TENM3: variants seen among roughly 807,000 people sequenced by gnomAD.
TENM3 encodes teneurin transmembrane protein 3, also known as teneurin-3.
In TENM3, 63 loss-of-function variants were observed where a neutral mutation model predicts 255.1. That is an observed-to-expected ratio of 0.25 (90% CI 0.20 to 0.30). The LOEUF (loss-of-function observed/expected upper bound fraction) is 0.30, where lower values mean the gene tolerates loss of function less well. Ranked by LOEUF, TENM3 falls within the 10% of genes least tolerant of loss-of-function variation. The pLI is 1.00. For synonymous variants in TENM3, 1,306 were observed against 1,322.3 expected (o/e 0.99, Z 0.27); for missense variants, 2,929 against 3,461.1 (o/e 0.85, Z 3.86).
intron 1 of TENM3, among the ~76,000 whole-genome samples, chr4:182,236,572 C>T (rs1405648612): frequency 2.0e-5 from 3 of 151,922 alleles, no homozygotes; most frequent in Non-Finnish European, 2.9e-5. Context: ...CCAGTGTAGA[C>T]GTTAAATAAT....
At chr4:182,547,533 A>G (rs778673090) in intron 3 of TENM3, among the ~76,000 whole-genome samples, 1 of 152,050 alleles carries the variant, frequency 6.6e-6, no homozygotes, top group Non-Finnish European at 1.5e-5. Flanking sequence ...GTTATTGAAC[A>G]TATTACGTCA....
At chr4:182,219,356 G>A (rs945062050) in intron 1 of TENM3, among the ~76,000 whole-genome samples, 34 of 152,278 alleles carry the variant, frequency 2.2e-4, no homozygotes, top group African/African-American at 7.2e-4. Context: ...TCAAAACCAC[G>A]TAAGAATTAA....
the TENM3 span, among the ~76,000 whole-genome samples, chr4:181,529,732 T>C: frequency 6.6e-6 from 1 of 152,212 alleles, no homozygotes; most frequent in Non-Finnish European, 1.5e-5. Flanking sequence ...TTAGCCTCCC[T>C]TGTGGCCAGG....
intron 19 of TENM3, among the ~76,000 whole-genome samples, chr4:182,749,419 T>C (rs78000918): frequency 0.037 from 5,661 of 151,908 alleles, 136 homozygotes; most frequent in South Asian, 0.059. Context: ...ACTCATACTT[T>C]AGTTAATTAT....
At chr4:181,906,786 A>C in the TENM3 span, among the ~76,000 whole-genome samples, 1 of 152,084 alleles carries the variant, frequency 6.6e-6, no homozygotes, top group African/African-American at 2.4e-5. Context: ...AGCCCAAGCG[A>C]TCCTCTCGCT....
chr4:182,756,476 A>G (rs1316309832), intron 22 of TENM3, among the ~76,000 whole-genome samples: 2 of 152,224 alleles, frequency 1.3e-5, no homozygotes, highest in African/African-American at 4.8e-5. Context: ...TGTACAAGCC[A>G]TGAGGGGAAA....
At chr4:181,661,692 G>A in the TENM3 span, among the ~76,000 whole-genome samples, 22 of 151,984 alleles carry the variant, frequency 1.4e-4, no homozygotes, top group African/African-American at 2.2e-4. Flanking sequence ...TGGGAGGTGC[G>A]GTTATCAGGG....
At chr4:181,830,089 C>T in the TENM3 span, 1 of 152,332 alleles carries the variant, frequency 6.6e-6, no homozygotes, top group South Asian at 2.1e-4. Flanking sequence ...GACAAGTTCT[C>T]CACCCAGTGG....
chr4:182,629,831 G>A (rs1229147182), intron 5 of TENM3, among the ~76,000 whole-genome samples: 1 of 152,156 alleles, frequency 6.6e-6, no homozygotes, highest in Non-Finnish European at 1.5e-5. Flanking sequence ...TCTTCCACTG[G>A]CTACAATACT....
At chr4:181,449,774 G>C in the TENM3 span, among the ~76,000 whole-genome samples, 1 of 152,160 alleles carries the variant, frequency 6.6e-6, no homozygotes, top group Non-Finnish European at 1.5e-5. Flanking sequence ...GCACGACAGA[G>C]TGAGACTCCA....
chr4:181,827,126 A>G, the TENM3 span, among the ~76,000 whole-genome samples: 2 of 152,136 alleles, frequency 1.3e-5, no homozygotes, highest in Non-Finnish European at 2.9e-5. Flanking sequence ...AAACAAGGTC[A>G]TGTACAGGAA....
At chr4:181,752,555 A>T in the TENM3 span, among the ~76,000 whole-genome samples, 132 of 152,278 alleles carry the variant, frequency 8.7e-4, 1 homozygote, top group African/African-American at 3.1e-3. Context: ...CCATTTCAAA[A>T]AAAAATAAAA....
the TENM3 span, among the ~76,000 whole-genome samples, chr4:181,546,050 C>T: frequency 6.6e-6 from 1 of 152,174 alleles, no homozygotes; most frequent in African/African-American, 2.4e-5. Flanking sequence ...GTTATTGCCA[C>T]GGTTTCCCTA....
At chr4:181,980,202 T>G in the TENM3 span, 1 of 152,330 alleles carries the variant, frequency 6.6e-6, no homozygotes, top group Non-Finnish European at 1.5e-5. Context: ...ATATTTTTAT[T>G]CCACAGTGTG....
chr4:182,285,467 GA>G (rs1410544555), intron 1 of TENM3, among the ~76,000 whole-genome samples: 1 of 152,152 alleles, frequency 6.6e-6, no homozygotes, highest in East Asian at 1.9e-4. Context: ...GTCCACAACT[GA>G]AACTATAAGA....
At chr4:181,820,624 A>T in the TENM3 span, among the ~76,000 whole-genome samples, 1 of 152,172 alleles carries the variant, frequency 6.6e-6, no homozygotes, top group Admixed American at 6.5e-5. Context: ...ATTTGCAAGG[A>T]AAACATGCAA....
At chr4:181,534,754 G>T in the TENM3 span, among the ~76,000 whole-genome samples, 1 of 152,094 alleles carries the variant, frequency 6.6e-6, no homozygotes, top group Non-Finnish European at 1.5e-5. Context: ...TCCACCCGCC[G>T]TTCACTGTTT....
At chr4:182,036,470 C>T in the TENM3 span, among the ~76,000 whole-genome samples, 2 of 142,826 alleles carry the variant, frequency 1.4e-5, no homozygotes, top group Non-Finnish European at 1.5e-5. Context: ...GGATTACAGG[C>T]GTGAACCACC....
At chr4:181,632,869 C>A in the TENM3 span, among the ~76,000 whole-genome samples, 1 of 152,268 alleles carries the variant, frequency 6.6e-6, no homozygotes, top group Non-Finnish European at 1.5e-5. Flanking sequence ...CCAAACGAAA[C>A]AACTTCAGTA....
Sources: allele counts gnomAD v4.1 joint callset (sites outside exome capture counted in the v4.1 genomes callset), GRCh38; gene constraint gnomAD v4.1.1; transcripts MANE v1.5; gene names NCBI Gene and HGNC (gene_info 2026-07-23, HGNC 2026-07-21).